Variants in SMIM14 observed in about 807,000 individuals in gnomAD.
The protein encoded by SMIM14 is chromosome 4 open reading frame 34.
In SMIM14, 5 loss-of-function variants were observed where a neutral mutation model predicts 12.6. That is an observed-to-expected ratio of 0.40 (90% CI 0.21 to 0.83). The LOEUF (loss-of-function observed/expected upper bound fraction) is 0.83. Among genes scored for constraint, SMIM14 ranks in the 40% least tolerant of loss-of-function variants. The pLI is 0.37. For missense variants in SMIM14, 86 were observed against 119.1 expected (o/e 0.72, Z 1.29); for synonymous variants, 30 against 40.1 (o/e 0.75, Z 0.95).
At position 39,582,872 on chromosome 4, in the gene SMIM14, A is replaced by G. The variant is rs183768355; in HGVS notation, c.76-10409T>C. On this transcript the variant is annotated intron_variant, in intron 2 of 4. Transcript: ENST00000295958. The stretch of plus-strand genomic sequence containing the variant: ...TGTGGTGGCAAGATCTCAGCTCACC[A>G]CAACCTCCGCCTCCCGGGTCCAAAA... Among the ~76,000 whole-genome samples, 357 of 151,990 alleles carry G rather than the reference A, an allele frequency of 2.3e-3. 5 individuals are homozygous for G. Among genetic ancestry groups the G allele is most frequent in the African/African-American group, 8.3e-3 (342 of 41,410 alleles).
At chr4:39,611,204 T>C (rs1380978658) in intron 1 of SMIM14, among the ~76,000 whole-genome samples, 6 of 152,026 alleles carry the variant, frequency 3.9e-5, no homozygotes, top group Non-Finnish European at 5.9e-5. Flanking sequence ...TATCAGGAGA[T>C]TGGTAAAATT....
intron 1 of SMIM14, among the ~76,000 whole-genome samples, chr4:39,635,000 AT>A (rs922241047): frequency 1.3e-5 from 2 of 152,190 alleles, no homozygotes; most frequent in African/African-American, 4.8e-5. Context: ...GAGACGGAAC[AT>A]TTTTTTAAAA....
chr4:39,582,496 CTCTACTAAA>C (rs1205830722), intron 2 of SMIM14, among the ~76,000 whole-genome samples: 9 of 151,050 alleles, frequency 6.0e-5, no homozygotes, highest in Non-Finnish European at 8.8e-5. Flanking sequence ...GAAACCCTGT[CTCTACTAAA>C]AATACGAAAT....
rs769893603 is a variant in SMIM14, at chr4:39,547,421, C to T, written c.*4705G>A. 9.9e-5 allele frequency: 15 copies of T among 152,144 alleles called. No individual in the cohort carries two copies. The highest frequency in any genetic ancestry group is 1.8e-4 in the Non-Finnish European group (12 of 68,026). The allele number at this position is 152,144 out of a possible 1,614,324, so 9.4% of individuals were successfully genotyped here. A position where few individuals can be genotyped will look rare whatever the true frequency, so the allele number is the denominator to read the frequency against. ...GATGGCACAGACATAATTTGTTTGG[C>T]GTGATTTAAACATATAAAATCAGTA... On this transcript the variant is annotated 3_prime_UTR_variant, in exon 5 of 5. Transcript: ENST00000295958.
chr4:39,599,347 T>A (rs185237985), intron 2 of SMIM14, among the ~76,000 whole-genome samples: 4 of 151,944 alleles, frequency 2.6e-5, no homozygotes, highest in Non-Finnish European at 1.5e-5. Context: ...TTACTCTGAG[T>A]CTCATGGAAG....
rs139952926 is a variant in SMIM14 at position 39,596,747 on chromosome 4, T to C, written c.75+8324A>G. Among the ~76,000 whole-genome samples, 437 of 152,330 alleles carry C rather than the reference T, an allele frequency of 2.9e-3. 4 individuals carry two copies. In the Middle Eastern group the frequency reaches 0.071, roughly 25 times the overall value. ...GTTATGGCACTCACTAGCACTTCTC[T>C]GATACTTCTAAAATATCAGTTTATC... On this transcript the variant is annotated intron_variant, in intron 2 of 4. Coordinates refer to ENST00000295958, the MANE Select transcript of SMIM14 (RefSeq NM_174921.3).
At chr4:39,574,237 C>CTTT (rs11338888) in intron 2 of SMIM14, among the ~76,000 whole-genome samples, 9 of 126,868 alleles carry the variant, frequency 7.1e-5, no homozygotes, top group Admixed American at 8.5e-5. Flanking sequence ...CTGCAACTTT[C>CTTT]TTTTTTTTTT....
At chr4:39,576,486 T>C (rs1410177842) in intron 2 of SMIM14, among the ~76,000 whole-genome samples, 1 of 151,164 alleles carries the variant, frequency 6.6e-6, no homozygotes, top group East Asian at 2.0e-4. Flanking sequence ...AAAAGGCCAC[T>C]GTGGTTGAAG....
At chr4:39,621,092 G>GA (rs1298530848) in intron 1 of SMIM14, 2 of 151,884 alleles carry the variant, frequency 1.3e-5, no homozygotes, top group Non-Finnish European at 2.9e-5. Context: ...ATTCCAAAAA[G>GA]AAAAAACCTA....
At chr4:39,609,298 C>T (rs948449039) in intron 1 of SMIM14, among the ~76,000 whole-genome samples, 34 of 151,936 alleles carry the variant, frequency 2.2e-4, no homozygotes, top group Admixed American at 2.2e-3. Flanking sequence ...ACATTTTAAA[C>T]GGGTGCATTG....
intron 2 of SMIM14, among the ~76,000 whole-genome samples, chr4:39,598,074 CA>C (rs1158043972): frequency 6.6e-6 from 1 of 152,158 alleles, no homozygotes; most frequent in African/African-American, 2.4e-5. Flanking sequence ...CCTTAACATG[CA>C]ACTAGGAGTC....
At chr4:39,592,344 C>A (rs1247835103) in intron 2 of SMIM14, among the ~76,000 whole-genome samples, 2 of 149,252 alleles carry the variant, frequency 1.3e-5, no homozygotes, top group African/African-American at 5.0e-5. Context: ...TTTAAACAAT[C>A]CTCCCGCCTC....
chr4:39,613,363 T>C (rs1715102837), intron 1 of SMIM14, among the ~76,000 whole-genome samples: 1 of 152,222 alleles, frequency 6.6e-6, no homozygotes, highest in Non-Finnish European at 1.5e-5. Context: ...TCCTCAATAG[T>C]GCTACACTTC....
At chr4:39,573,229 G>C (rs1712991985) in intron 2 of SMIM14, among the ~76,000 whole-genome samples, 1 of 152,116 alleles carries the variant, frequency 6.6e-6, no homozygotes, top group Middle Eastern at 3.4e-3. Context: ...CTGAGTAGCT[G>C]GGATTACAGG....
chr4:39,618,234 A>G (rs1715293954), intron 1 of SMIM14, among the ~76,000 whole-genome samples: 1 of 152,192 alleles, frequency 6.6e-6, no homozygotes, highest in Non-Finnish European at 1.5e-5. Context: ...CTTACACCAT[A>G]AAGAAAAAGG....
intron 3 of SMIM14, among the ~76,000 whole-genome samples, chr4:39,569,739 A>AAAAAAAG (rs1712785495): frequency 6.6e-6 from 1 of 151,872 alleles, no homozygotes; most frequent in South Asian, 2.1e-4. Flanking sequence ...TCTGTCTCAA[A>AAAAAAAG]AAAAAAAGAA....
intron 4 of SMIM14, among the ~76,000 whole-genome samples, chr4:39,553,325 A>G (rs948173574): frequency 1.3e-5 from 2 of 152,016 alleles, no homozygotes; most frequent in South Asian, 4.1e-4. Flanking sequence ...AGCCTCCCAA[A>G]GTGCTGGGAT....
At chr4:39,590,586 A>G (rs933391457) in intron 2 of SMIM14, among the ~76,000 whole-genome samples, 6 of 150,662 alleles carry the variant, frequency 4.0e-5, no homozygotes, top group Non-Finnish European at 7.4e-5. Context: ...CGGATCACCT[A>G]AGGTCAGGAG....
At position 39,548,624 on chromosome 4, in the gene SMIM14, A is replaced by C. The variant is rs945104497; in HGVS notation, c.*3502T>G. 18 of 152,154 alleles carry C rather than the reference A, an allele frequency of 1.2e-4. No homozygotes were observed. The highest frequency in any genetic ancestry group is 1.0e-3 in the Admixed American group (16 of 15,254). 9.4% of individuals were successfully genotyped at this position (152,154 alleles called of 1,614,324 possible). A position where few individuals can be genotyped will look rare whatever the true frequency, so the allele number is the denominator to read the frequency against. ...GTAGCCACACTTCAGATGAATGTTT[A>C]CAAGCCAAATAATGATTTAAGAGTG... On this transcript the variant is annotated 3_prime_UTR_variant, in exon 5 of 5. Transcript: ENST00000295958.
Sources: gnomAD v4.1 joint callset for allele counts (sites outside exome capture counted in the v4.1 genomes callset) on GRCh38, gnomAD v4.1.1 for gene constraint, MANE v1.5 for transcripts, NCBI Gene and HGNC (gene_info 2026-07-23, HGNC 2026-07-21) for gene names.